The following ZC3H12B variants were observed in gnomAD, a reference collection of about 807,000 sequenced individuals.
ZC3H12B encodes the protein probable ribonuclease ZC3H12B.
ZC3H12B carries 7 observed loss-of-function variants against 43.9 expected under a neutral mutation model. The ratio of observed to expected loss-of-function variants is 0.16; its 90% CI spans 0.09 to 0.30. The LOEUF (loss-of-function observed/expected upper bound fraction) is 0.30. Among genes scored for constraint, ZC3H12B ranks in the 10% least tolerant of loss-of-function variants. The probability of loss-of-function intolerance (pLI) is 1.00; values close to 1 mark genes in which losing one functional copy is unlikely to be tolerated. For synonymous variants in ZC3H12B, 222 were observed against 241.7 expected, an observed-to-expected ratio of 0.92 and a Z score of 0.76; for missense variants, 475 against 670.2, an observed-to-expected ratio of 0.71 and a Z score of 3.22.
chrX:65,294,011 G>T, the ZC3H12B span, among the ~76,000 whole-genome samples: 1 of 111,296 alleles, frequency 9.0e-6, no homozygotes, highest in East Asian at 2.8e-4. Flanking sequence ...AGAACGCCCA[G>T]GAAATTTATT....
At chrX:65,387,782 T>C (rs2066550704) in intron 2 of ZC3H12B, among the ~76,000 whole-genome samples, 1 of 112,612 alleles carries the variant, frequency 8.9e-6, no homozygotes, top group Non-Finnish European at 1.9e-5. Flanking sequence ...CTGGTACTGG[T>C]TGTTCCTTTT....
At chrX:65,176,441 G>C in the ZC3H12B span, among the ~76,000 whole-genome samples, 1 of 111,488 alleles carries the variant, frequency 9.0e-6, no homozygotes, top group Admixed American at 9.5e-5. Context: ...CTGGGTGAAT[G>C]GGCAGTTGTG....
At chrX:65,392,862 C>T (rs189394429) in intron 2 of ZC3H12B, among the ~76,000 whole-genome samples, 104 of 112,800 alleles carry the variant, frequency 9.2e-4, no homozygotes, top group African/African-American at 3.1e-3. Context: ...CTGTGTAGAA[C>T]GAAGTAGACA....
chrX:65,427,440 C>G (rs898904000), intron 3 of ZC3H12B, among the ~76,000 whole-genome samples: 1 of 110,712 alleles, frequency 9.0e-6, no homozygotes, highest in East Asian at 2.8e-4. Context: ...GAGATTCTTC[C>G]ACCTCAGCCT....
At chrX:65,423,799 G>A (rs1028131972) in intron 3 of ZC3H12B, among the ~76,000 whole-genome samples, 3 of 111,558 alleles carry the variant, frequency 2.7e-5, no homozygotes, top group Admixed American at 9.5e-5. Flanking sequence ...TCATTCTGTA[G>A]GTTGTCTGTT....
chrX:65,230,098 C>T, the ZC3H12B span, among the ~76,000 whole-genome samples: 724 of 110,784 alleles, frequency 6.5e-3, 2 homozygotes, highest in African/African-American at 0.022. Flanking sequence ...ATGTTTATTG[C>T]GGCACTATTC....
chrX:65,403,851 A>G (rs977916585), intron 3 of ZC3H12B, among the ~76,000 whole-genome samples: 1 of 111,916 alleles, frequency 8.9e-6, no homozygotes, highest in African/African-American at 3.2e-5. Context: ...AAAGAAAAAG[A>G]CATTAATGAG....
the ZC3H12B span, among the ~76,000 whole-genome samples, chrX:65,311,642 G>A: frequency 9.8e-5 from 11 of 111,722 alleles, 1 homozygote; most frequent in East Asian, 8.4e-4. Context: ...TCCCATTACT[G>A]TATATATACC....
At chrX:65,499,180 A>G (rs1254269070) in exon 3 of ZC3H12B, 1 of 1,211,344 alleles carries the variant, frequency 8.3e-7, no homozygotes. Context: ...AAAAGCCAGA[A>G]TGGAAGAAGT....
chrX:65,149,800 TAATAATAATAATAATAAA>T, the ZC3H12B span, among the ~76,000 whole-genome samples: 4 of 101,031 alleles, frequency 4.0e-5, no homozygotes, highest in Non-Finnish European at 1.9e-5. Context: ...ATAATAATAA[TAATAATAATAATAATAAA>T]TAAAAGTAAA....
chrX:65,204,342 T>C, the ZC3H12B span, among the ~76,000 whole-genome samples: 8 of 112,059 alleles, frequency 7.1e-5, no homozygotes, highest in African/African-American at 2.6e-4. Context: ...AATTATTCTA[T>C]TCTTAAATGG....
chrX:65,378,378 G>A (rs1410760012), intron 2 of ZC3H12B, among the ~76,000 whole-genome samples: 1 of 111,357 alleles, frequency 9.0e-6, no homozygotes, highest in Non-Finnish European at 1.9e-5. Flanking sequence ...GATAAAGAGT[G>A]TTAAGACTTT....
the ZC3H12B span, among the ~76,000 whole-genome samples, chrX:65,335,544 G>T: frequency 1.8e-5 from 2 of 111,550 alleles, no homozygotes; most frequent in Non-Finnish European, 3.8e-5. Context: ...AGGTAGCTCA[G>T]AGAAGGGAAA....
At chrX:65,252,963 G>A in the ZC3H12B span, among the ~76,000 whole-genome samples, 1 of 111,979 alleles carries the variant, frequency 8.9e-6, no homozygotes, top group Non-Finnish European at 1.9e-5. Context: ...TTAGAAGTTA[G>A]GTGAACATGT....
At chrX:65,371,445 T>A (rs1310939063) in intron 2 of ZC3H12B, among the ~76,000 whole-genome samples, 1 of 111,692 alleles carries the variant, frequency 9.0e-6, no homozygotes, top group African/African-American at 3.2e-5. Context: ...TTTTTTCCAC[T>A]ACCACAAGCT....
the ZC3H12B span, among the ~76,000 whole-genome samples, chrX:65,335,394 A>AT: frequency 6.3e-5 from 7 of 111,905 alleles, no homozygotes; most frequent in Non-Finnish European, 1.3e-4. Flanking sequence ...AACAGCCAAT[A>AT]TTTCTGGCTT....
At chrX:65,134,568 A>G in the ZC3H12B span, among the ~76,000 whole-genome samples, 3 of 111,389 alleles carry the variant, frequency 2.7e-5, no homozygotes, top group Non-Finnish European at 5.7e-5. Flanking sequence ...AAGACCACTT[A>G]CCCAATTTGA....
chrX:65,143,246 T>G, the ZC3H12B span, among the ~76,000 whole-genome samples: 8 of 111,335 alleles, frequency 7.2e-5, no homozygotes, highest in African/African-American at 2.6e-4. Flanking sequence ...TCTTAAGGTT[T>G]TTTTGTTTCT....
exon 5 of ZC3H12B, chrX:65,507,667 A>T (rs1467288262): frequency 1.8e-5 from 2 of 111,970 alleles, no homozygotes; most frequent in Non-Finnish European, 3.8e-5. Flanking sequence ...AAATACACAA[A>T]GTTAACCAGA....
Sources: allele counts gnomAD v4.1 joint callset (sites outside exome capture counted in the v4.1 genomes callset), GRCh38; gene constraint gnomAD v4.1.1; transcripts MANE v1.5; gene names NCBI Gene and HGNC (gene_info 2026-07-23, HGNC 2026-07-21).